Variants in ELAVL1 observed in about 807,000 individuals in gnomAD.
ELAVL1 encodes the protein ELAV like RNA binding protein 1.
ELAVL1 carries 1 observed loss-of-function variant against 28.4 expected under a neutral mutation model. That is an observed-to-expected ratio of 0.04 (90% confidence interval 0.01 to 0.17). The LOEUF is 0.17. ELAVL1 is among the 10% of genes least tolerant of loss of function. The pLI, the probability that ELAVL1 is intolerant of heterozygous loss-of-function variation, is 1.00. For synonymous variants in ELAVL1, 174 were observed against 183.5 expected (o/e 0.95, Z 0.42); for missense variants, 157 against 447.2 (o/e 0.35, Z 5.85).
At chr19:8,003,776 A>AATGC (rs1391320132) in intron 1 of ELAVL1, among the ~76,000 whole-genome samples, 5 of 152,014 alleles carry the variant, frequency 3.3e-5, no homozygotes, top group Admixed American at 2.0e-4. Context: ...AAACCAATGC[A>AATGC]TCAACATAAA....
Position 7,959,319 on chromosome 19 carries a change from CACT to C in ELAVL1, c.*4161_*4163del, listed in dbSNP as rs1360320069. 6.6e-6 allele frequency: 1 copy of C among 152,486 alleles called. No individual in the cohort carries two copies. Among genetic ancestry groups the C allele is most frequent in the African/African-American group, 2.4e-5 (1 of 41,408 alleles). The allele number at this position is 152,486 out of a possible 1,614,324, so 9.4% of individuals were successfully genotyped here. On this transcript the variant is annotated 3_prime_UTR_variant, in exon 6 of 6. Coordinates refer to ENST00000407627, the MANE Select transcript of ELAVL1 (RefSeq NM_001419.3). The stretch of plus-strand genomic sequence containing the variant: ...TAAAACAAATCAATAACTTAAAACA[CACT>C]AATATACAAAAGGTCTAACCATCTA...
At chr19:8,002,050 A>G (rs1434221380) in intron 1 of ELAVL1, 33 of 1,289,178 alleles carry the variant, frequency 2.6e-5, no homozygotes, top group Non-Finnish European at 3.3e-5. Flanking sequence ...CCCCTGGCCT[A>G]CCTGCAGGGT....
chr19:7,984,341 G>T (rs770900719), intron 2 of ELAVL1, among the ~76,000 whole-genome samples: 2 of 152,198 alleles, frequency 1.3e-5, no homozygotes, highest in African/African-American at 4.8e-5. Flanking sequence ...TAAGACAGGG[G>T]TCAGGAGGGC....
Position 7,962,065 on chromosome 19 carries a change from A to T in ELAVL1, c.*1418T>A, listed in dbSNP as rs1348368299. 6.5e-6 allele frequency: 1 copy of T among 153,646 alleles called. No homozygotes were observed. Among genetic ancestry groups the T allele is most frequent in the African/African-American group, 2.4e-5 (1 of 41,428 alleles). The allele number at this position is 153,646 out of a possible 1,614,324, so 9.5% of individuals were successfully genotyped here. The stretch of plus-strand genomic sequence containing the variant: ...GGTGATCTGGCCCTGCCTATTTCAC[A>T]GGCTTTCTCTTTCACCCTTCCTCCG... On this transcript the variant is annotated 3_prime_UTR_variant, in exon 6 of 6. Transcript: ENST00000407627.
At chr19:7,980,345 T>C (rs535898275) in intron 3 of ELAVL1, among the ~76,000 whole-genome samples, 1 of 152,094 alleles carries the variant, frequency 6.6e-6, no homozygotes, top group South Asian at 2.1e-4. Context: ...GACACGAGGC[T>C]TGATACAGGT....
At chr19:7,966,708 C>T (rs190500210) in intron 5 of ELAVL1, among the ~76,000 whole-genome samples, 4 of 152,308 alleles carry the variant, frequency 2.6e-5, no homozygotes, top group Admixed American at 2.6e-4. Context: ...CAGCCTCCAC[C>T]TCCTGGGTTC....
chr19:7,971,472 C>A (rs1460868288), intron 4 of ELAVL1, among the ~76,000 whole-genome samples: 1 of 152,226 alleles, frequency 6.6e-6, no homozygotes, highest in Admixed American at 6.5e-5. Context: ...TGCCCCAGTG[C>A]AGAATGGGGG....
At chr19:7,980,452 C>T (rs1463549976) in intron 3 of ELAVL1, among the ~76,000 whole-genome samples, 2 of 152,114 alleles carry the variant, frequency 1.3e-5, no homozygotes, top group South Asian at 2.1e-4. Context: ...CACGAGAGCG[C>T]GGGTCAGATG....
At chr19:7,965,777 T>C (rs188590324) in intron 5 of ELAVL1, among the ~76,000 whole-genome samples, 8 of 152,242 alleles carry the variant, frequency 5.3e-5, no homozygotes. Flanking sequence ...TAAGGAGCAG[T>C]TCACCCAACC....
chr19:7,972,194 C>T (rs986176637), intron 4 of ELAVL1, among the ~76,000 whole-genome samples: 6 of 152,234 alleles, frequency 3.9e-5, no homozygotes, highest in Admixed American at 6.5e-5. Context: ...CCTGCTCCTG[C>T]CCCAAACAGA....
intron 4 of ELAVL1, chr19:7,973,230 T>A (rs978535511): frequency 4.7e-4 from 47 of 100,688 alleles, no homozygotes; most frequent in Middle Eastern, 0.011. Flanking sequence ...AATCCCCAGC[T>A]TTTTTTTTTT....
At chr19:7,965,716 T>C (rs1984939673) in intron 5 of ELAVL1, among the ~76,000 whole-genome samples, 1 of 152,206 alleles carries the variant, frequency 6.6e-6, no homozygotes, top group South Asian at 2.1e-4. Context: ...TCCTCATTAC[T>C]GGGACCAGAG....
At chr19:7,988,748 C>T (rs1460474532) in intron 2 of ELAVL1, among the ~76,000 whole-genome samples, 1 of 152,238 alleles carries the variant, frequency 6.6e-6, no homozygotes, top group Non-Finnish European at 1.5e-5. Context: ...CCTGCAGTGT[C>T]CAGTGCGGCG....
In ELAVL1 at chr19:7,961,818, A is replaced by C. The variant is rs536246649; in HGVS notation, c.*1665T>G. 3.3e-5 allele frequency: 5 copies of C among 152,248 alleles called. No individual in the cohort carries two copies. The East Asian group carries it at 9.7e-4, about 29-fold the overall frequency. 9.4% of individuals were successfully genotyped at this position (152,248 alleles called of 1,614,324 possible). On this transcript the variant is annotated 3_prime_UTR_variant, in exon 6 of 6. Coordinates refer to ENST00000407627, the MANE Select transcript of ELAVL1 (RefSeq NM_001419.3). ...GCTCTGGGGACGGTGGTGCCTGCCT[A>C]TTGCTCAATTTCACACTTCAATAAA...
rs145288081 is a variant in ELAVL1, at chr19:7,981,355, CTTTT to C, written c.173-173_173-170del. ...CATTTTCTGCAATGAACACAGGTTCCTTTTTTTTTTTTTTTTTAAAGAGATAGGA... is the reference window on the plus strand; with the variant it reads ...CATTTTCTGCAATGAACACAGGTTCCTTTTTTTTTTTTTAAAGAGATAGGA... On this transcript the variant is annotated intron_variant, in intron 2 of 5. Transcript: ENST00000407627. This position sits in a 1 kb window ranked among gnomAD's most constrained non-coding sequence, Gnocchi z 4.2. 1.4e-5 allele frequency among the ~76,000 whole-genome samples: 2 copies of C among 140,722 alleles called. No individual in the cohort carries two copies. The highest frequency in any genetic ancestry group is 2.1e-4 in the East Asian group (1 of 4,830). 92.3% of individuals were successfully genotyped at this position (140,722 alleles called of 152,430 possible).
chr19:7,975,506 C>T (rs1430475959), intron 3 of ELAVL1, among the ~76,000 whole-genome samples: 2 of 152,246 alleles, frequency 1.3e-5, no homozygotes, highest in African/African-American at 2.4e-5. Context: ...GCACAGCAGG[C>T]GTGCACTGAC....
chr19:8,003,674 A>G (rs1410328610), intron 1 of ELAVL1, among the ~76,000 whole-genome samples: 4 of 146,804 alleles, frequency 2.7e-5, no homozygotes, highest in Admixed American at 1.4e-4. Flanking sequence ...CCTGGGCGGC[A>G]GAGTGAGACT....
Position 7,960,181 on chromosome 19 carries a change from C to A in ELAVL1, c.*3302G>T, listed in dbSNP as rs1036684369. The stretch of plus-strand genomic sequence containing the variant: ...GGGTGCTTCTATTTCTCTGATCCAG[C>A]AGGGACCCCTGGGCTGCCGGCTCCA... On this transcript the variant is annotated 3_prime_UTR_variant, in exon 6 of 6. Coordinates refer to ENST00000407627, the MANE Select transcript of ELAVL1 (RefSeq NM_001419.3). 2.6e-5 allele frequency: 4 copies of A among 152,190 alleles called. No homozygotes were observed. The highest frequency in any genetic ancestry group is 5.9e-5 in the Non-Finnish European group (4 of 68,052). 9.4% of individuals were successfully genotyped at this position (152,190 alleles called of 1,614,324 possible). A position where few individuals can be genotyped will look rare whatever the true frequency, so the allele number is the denominator to read the frequency against.
At chr19:8,004,365 T>C (rs1023347310) in intron 1 of ELAVL1, among the ~76,000 whole-genome samples, 6 of 152,210 alleles carry the variant, frequency 3.9e-5, no homozygotes, top group Admixed American at 2.6e-4. Context: ...TTAGAACTTT[T>C]GGAGGAAGAG....
Sources: allele counts gnomAD v4.1 joint callset (sites outside exome capture counted in the v4.1 genomes callset), GRCh38; gene constraint gnomAD v4.1.1; non-coding constraint Gnocchi (gnomAD v3.1); transcripts MANE v1.5; gene names NCBI Gene and HGNC (gene_info 2026-07-23, HGNC 2026-07-21).